The following ZNF506 variants were observed in gnomAD, a reference collection of about 807,000 sequenced individuals.
ZNF506 encodes the protein zinc finger protein 506.
In ZNF506, 10 loss-of-function variants were observed where a neutral mutation model predicts 11.6. That is an observed-to-expected ratio of 0.86 (90% CI 0.53 to 1.46). The LOEUF is 1.46. Among genes scored for constraint, ZNF506 ranks in the 40% most tolerant of loss-of-function variants. The pLI is 0.00. For synonymous variants in ZNF506, 156 were observed against 173.3 expected (o/e 0.90, Z 0.78); for missense variants, 425 against 521.2 (o/e 0.82, Z 1.80).
Position 19,794,039 on chromosome 19 carries a change from G to C in ZNF506, c.*513C>G, listed in dbSNP as rs1017846968. The C allele has an allele frequency of 6.5e-6, 1 of 154,902 alleles. No individual in the cohort carries two copies. The allele number at this position is 154,902 out of a possible 1,614,324, so 9.6% of individuals were successfully genotyped here. On this transcript the variant is annotated 3_prime_UTR_variant, in exon 4 of 4. Transcript: ENST00000540806. The stretch of plus-strand genomic sequence containing the variant: ...AATTGAGAACTTGTGGCTGGGCGTC[G>C]TGGCTCATGCCTGTCATCTCAGCAC...
Position 19,795,633 on chromosome 19 carries a change from AG to A in ZNF506, c.253del (p.Leu85PhefsTer7), listed in dbSNP as rs778814385. The A allele has an allele frequency of 2.0e-6, 3 of 1,518,102 alleles. No homozygotes were observed. The East Asian group carries it at 6.8e-5, about 35-fold the overall frequency. The allele number at this position is 1,518,102 out of a possible 1,614,324, so 94.0% of individuals were successfully genotyped here. On this transcript the variant is annotated frameshift_variant, in exon 4 of 4. Transcript: ENST00000540806. LOFTEE classifies it low-confidence loss of function (END_TRUNC). Reference protein sequence around the residue: ...PVMYSHFAQDLWSEQSIKDSF... With the variant: ...PVMYSHFAQDXWSEQSIKDSF... The stretch of plus-strand genomic sequence containing the variant: ...ATCTTTTATGCTCTGCTCTGACCAA[AG>A]GTCTTGGGCAAAATGAGAATACATA...
chr19:19,809,018 TTAAA>T (rs1290539121), intron 1 of ZNF506, among the ~76,000 whole-genome samples: 1 of 152,096 alleles, frequency 6.6e-6, no homozygotes, highest in Non-Finnish European at 1.5e-5. Context: ...GCCATCTCAT[TTAAA>T]TAAGCATTTT....
At chr19:19,804,077 A>T (rs1245095994) in intron 3 of ZNF506, among the ~76,000 whole-genome samples, 2 of 152,186 alleles carry the variant, frequency 1.3e-5, no homozygotes, top group Non-Finnish European at 2.9e-5. Flanking sequence ...AAGCCAAAAT[A>T]GACAAATGGG....
chr19:19,821,559 A>G (rs925307151), intron 1 of ZNF506, 42 bp downstream of exon 1: 2 of 1,613,842 alleles, frequency 1.2e-6, no homozygotes, highest in Admixed American at 3.3e-5. Context: ...AGTTCCAACC[A>G]GCCCCTCTCC....
chr19:19,806,904 G>A, intron 2 of ZNF506, 38 bp downstream of exon 2: 1 of 1,593,430 alleles, frequency 6.3e-7, no homozygotes, highest in Non-Finnish European at 8.5e-7. Flanking sequence ...AAAACCTTTA[G>A]AGTAATATTA....
At chr19:19,807,219 T>C in intron 1 of ZNF506, 151 bp from the exon 2 acceptor site, 1 of 1,303,134 alleles carries the variant, frequency 7.7e-7, no homozygotes, top group Non-Finnish European at 1.0e-6. Flanking sequence ...AGAAATATTC[T>C]CTAATGTATT....
chr19:19,821,731 T>G lies in ZNF506; in HGVS notation c.-128A>C. The stretch of plus-strand genomic sequence containing the variant: ...GCAGTGAAGACGATAGCTGGATCTC[T>G]GGCGTCAGCGAGAGACAATGGGCCC... On this transcript the variant is annotated 5_prime_UTR_variant, in exon 1 of 4. Coordinates refer to ENST00000540806, the MANE Select transcript of ZNF506 (RefSeq NM_001099269.3). The G allele has an allele frequency of 2.4e-5, 30 of 1,256,566 alleles. No homozygotes were observed. Among genetic ancestry groups the G allele is most frequent in the Non-Finnish European group, 3.2e-5 (28 of 865,786 alleles). 77.8% of individuals were successfully genotyped at this position (1,256,566 alleles called of 1,614,324 possible).
At chr19:19,802,159 C>T (rs1003694775) in intron 3 of ZNF506, among the ~76,000 whole-genome samples, 15 of 148,494 alleles carry the variant, frequency 1.0e-4, no homozygotes, top group African/African-American at 1.8e-4. Flanking sequence ...GAGCCAAGAT[C>T]GCACCACTGC....
intron 3 of ZNF506, among the ~76,000 whole-genome samples, chr19:19,801,668 G>A (rs143313526): frequency 0.02 from 3,011 of 151,708 alleles, 39 homozygotes; most frequent in Non-Finnish European, 0.028. Flanking sequence ...GCGGGTGCTT[G>A]TAGTCCCAGC....
intron 1 of ZNF506, among the ~76,000 whole-genome samples, chr19:19,814,519 C>T (rs1409906232): frequency 6.6e-6 from 1 of 151,674 alleles, no homozygotes; most frequent in Non-Finnish European, 1.5e-5. Context: ...AAGAGGAGAA[C>T]AAAAGACACT....
At chr19:19,816,887 T>A (rs1354622279) in intron 1 of ZNF506, among the ~76,000 whole-genome samples, 4 of 146,180 alleles carry the variant, frequency 2.7e-5, no homozygotes, top group African/African-American at 1.0e-4. Flanking sequence ...CGGCGCCGTC[T>A]TGGCTCACTG....
At chr19:19,820,844 A>G (rs920413271) in intron 1 of ZNF506, among the ~76,000 whole-genome samples, 1 of 152,072 alleles carries the variant, frequency 6.6e-6, no homozygotes, top group African/African-American at 2.4e-5. Context: ...GTGCTCTACA[A>G]TTCTTGAATC....
At chr19:19,810,753 C>T in intron 1 of ZNF506, among the ~76,000 whole-genome samples, 1 of 151,692 alleles carries the variant, frequency 6.6e-6, no homozygotes, top group East Asian at 1.9e-4. Context: ...GGTTTTAATA[C>T]AACATTTAAA....
chr19:19,805,877 A>T (rs1159311035), intron 3 of ZNF506, among the ~76,000 whole-genome samples, 154 bp downstream of exon 3: 2 of 152,150 alleles, frequency 1.3e-5, no homozygotes, highest in African/African-American at 4.8e-5. Context: ...AGCAAAATTA[A>T]AAGAAAAAAG....
At chr19:19,800,891 T>G (rs117660826) in intron 3 of ZNF506, among the ~76,000 whole-genome samples, 3,747 of 152,108 alleles carry the variant, frequency 0.025, 82 homozygotes, top group Non-Finnish European at 0.034. Context: ...CTGGGAGCGG[T>G]GGCTCGCACC....
intron 3 of ZNF506, chr19:19,798,236 G>A (rs2062759042): frequency 6.6e-6 from 1 of 152,150 alleles, no homozygotes; most frequent in Admixed American, 6.6e-5. Flanking sequence ...AATAACAAAT[G>A]TGAAGGTAGA....
intron 1 of ZNF506, among the ~76,000 whole-genome samples, chr19:19,809,453 AG>A (rs34502670): frequency 0.47 from 70,693 of 151,610 alleles, 17,821 homozygotes; most frequent in East Asian, 0.7. Flanking sequence ...GTTTACCTGA[AG>A]GGGAAGTTAT....
intron 3 of ZNF506, chr19:19,796,670 T>C (rs2062745083): frequency 6.6e-6 from 1 of 152,292 alleles, no homozygotes; most frequent in East Asian, 1.9e-4. Context: ...ACCAAAGTGC[T>C]GGGATTACAG....
chr19:19,817,889 C>G (rs536518757), intron 1 of ZNF506, among the ~76,000 whole-genome samples: 48 of 150,504 alleles, frequency 3.2e-4, no homozygotes, highest in Non-Finnish European at 6.6e-4. Context: ...ATGCAATGGC[C>G]CGATCTCAGG....
Sources: allele counts gnomAD v4.1 joint callset (sites outside exome capture counted in the v4.1 genomes callset), GRCh38; gene constraint gnomAD v4.1.1; transcripts MANE v1.5; gene names NCBI Gene and HGNC (gene_info 2026-07-23, HGNC 2026-07-21).